Variants in SRCIN1 observed in about 807,000 individuals in gnomAD.
SRCIN1 encodes the protein SRC kinase signaling inhibitor 1, also known as P130Cas-associated protein.
In SRCIN1, 50 loss-of-function variants were observed where a neutral mutation model predicts 116.2. That is an observed-to-expected ratio of 0.43 (90% confidence interval 0.34 to 0.54). The LOEUF (loss-of-function observed/expected upper bound fraction) is 0.54. Ranked by LOEUF, SRCIN1 falls within the 20% of genes least tolerant of loss-of-function variation. SRCIN1 has a pLI of 0.02. For synonymous variants in SRCIN1, 736 were observed against 750.0 expected (o/e 0.98, Z 0.30); for missense variants, 1,446 against 1,672.0 (o/e 0.86, Z 2.36).
intron 1 of SRCIN1, among the ~76,000 whole-genome samples, chr17:38,596,026 G>A (rs898681346): frequency 6.6e-6 from 1 of 152,176 alleles, no homozygotes; most frequent in African/African-American, 2.4e-5. Context: ...GCTGGCAGGA[G>A]GAGGAATCGT....
chr17:38,533,486 T>G (rs1316522554), intron 18 of SRCIN1, 55 bp from the exon 19 acceptor site: 1 of 1,509,550 alleles, frequency 6.6e-7, no homozygotes, highest in African/African-American at 1.4e-5. Flanking sequence ...GCCTCCATGC[T>G]GGCCCCCAGC....
At chr17:38,547,675 C>T (rs1051588021) in intron 17 of SRCIN1, 4 of 258,646 alleles carry the variant, frequency 1.5e-5, no homozygotes, top group East Asian at 1.7e-4. Context: ...GGCGTTTTAG[C>T]GGGTTAGCGT....
rs1906460573 is a variant in SRCIN1 at position 38,563,742 on chromosome 17, G to A, written c.542-221C>T. 2 of 707,290 alleles carry A rather than the reference G, an allele frequency of 2.8e-6. No individual in the cohort carries two copies. Among genetic ancestry groups the A allele is most frequent in the East Asian group, 2.7e-5 (1 of 37,148 alleles). 43.8% of individuals were successfully genotyped at this position (707,290 alleles called of 1,614,324 possible). ...CAAGGCACCCACTGGACTCCAGGCAGTTGAAGGAACTTGGACAAGGAAATG... is the reference window on the plus strand; with the variant it reads ...CAAGGCACCCACTGGACTCCAGGCAATTGAAGGAACTTGGACAAGGAAATG... On this transcript the variant is annotated intron_variant, in intron 4 of 18. Coordinates refer to ENST00000617146, the MANE Select transcript of SRCIN1 (RefSeq NM_025248.3). This position sits in a 1 kb window ranked among gnomAD's most constrained non-coding sequence, Gnocchi z 5.8.
intron 2 of SRCIN1, among the ~76,000 whole-genome samples, chr17:38,575,895 C>T (rs906862482): frequency 6.6e-6 from 1 of 152,200 alleles, no homozygotes; most frequent in African/African-American, 2.4e-5. Flanking sequence ...TCCACAAACA[C>T]TGCCTGAGCT....
chr17:38,539,599 C>T (rs1415314794), intron 18 of SRCIN1, among the ~76,000 whole-genome samples: 7 of 152,142 alleles, frequency 4.6e-5, no homozygotes, highest in African/African-American at 9.7e-5. Flanking sequence ...CTGCTGCTCC[C>T]GCCCTCCGGG....
chr17:38,563,496 C>A lies in SRCIN1; in HGVS notation c.567G>T (p.Glu189Asp), dbSNP rs1022331254. 19 of 1,552,216 alleles carry A rather than the reference C, an allele frequency of 1.2e-5. No individual in the cohort carries two copies. The highest frequency in any genetic ancestry group is 1.6e-5 in the Non-Finnish European group (18 of 1,147,844). The part of the protein sequence containing the change: ...SPGVLFLQFG[E>D]ETRRVHITHE... Reference sequence around the variant, plus strand: ...GCGTGATGTGCACGCGCCGAGTCTCCTCCCCGAACTGCAGGAACAGCACCC... The same window carrying A: ...GCGTGATGTGCACGCGCCGAGTCTCATCCCCGAACTGCAGGAACAGCACCC... Residue 189 changes from glutamate (E) to aspartate (D), a missense_variant, in exon 5 of 19, where the codon GAG (glutamate) becomes GAT (aspartate). Physicochemically the swap from Glu to Asp is conservative, Grantham distance 45 (BLOSUM62 2). Transcript: ENST00000617146. The surrounding 1 kb of genome is among the most constrained non-coding windows in gnomAD (Gnocchi z 5.8).
At chr17:38,555,878 CAG>C (rs771125102) in intron 11 of SRCIN1, among the ~76,000 whole-genome samples, 73 of 152,216 alleles carry the variant, frequency 4.8e-4, no homozygotes, top group Non-Finnish European at 8.8e-4. Flanking sequence ...AAACATCACT[CAG>C]AGGGGGAAGA....
intron 11 of SRCIN1, among the ~76,000 whole-genome samples, chr17:38,555,807 G>A (rs1334045877): frequency 6.6e-6 from 1 of 152,178 alleles, no homozygotes; most frequent in Non-Finnish European, 1.5e-5. Flanking sequence ...CAATTCCCCT[G>A]CTCATATGTG....
At chr17:38,554,465 A>G (rs1048322957) in intron 11 of SRCIN1, among the ~76,000 whole-genome samples, 1 of 151,810 alleles carries the variant, frequency 6.6e-6, no homozygotes, top group East Asian at 1.9e-4. Flanking sequence ...ACCCATACAC[A>G]TACAGGCACA....
In SRCIN1 at chr17:38,562,758, G is replaced by C. The variant is rs35608876; in HGVS notation, c.834+69C>G. 19 of 1,406,892 alleles carry C rather than the reference G, an allele frequency of 1.4e-5. No individual in the cohort carries two copies. The African/African-American group carries it at 2.7e-4, about 20-fold the overall frequency. 87.2% of individuals were successfully genotyped at this position (1,406,892 alleles called of 1,614,324 possible). A position where few individuals can be genotyped will look rare whatever the true frequency, so the allele number is the denominator to read the frequency against. ...CTGGCCCTGGTTCCAGATGACAACTGCCCAGACCCTGCTCCCCTGGACCCC... is the reference window on the plus strand; with the variant it reads ...CTGGCCCTGGTTCCAGATGACAACTCCCCAGACCCTGCTCCCCTGGACCCC... On this transcript the variant is annotated intron_variant, in intron 6 of 18. Coordinates refer to ENST00000617146, the MANE Select transcript of SRCIN1 (RefSeq NM_025248.3). This position sits in a 1 kb window ranked among gnomAD's most constrained non-coding sequence, Gnocchi z 4.2.
intron 1 of SRCIN1, among the ~76,000 whole-genome samples, chr17:38,600,287 G>T (rs1258957438): frequency 2.1e-4 from 32 of 152,212 alleles, no homozygotes; most frequent in Admixed American, 2.0e-3. Flanking sequence ...TAGATATGTA[G>T]GTAAAAGCGA....
chr17:38,533,290 G>T lies in SRCIN1; in HGVS notation c.*7C>A, dbSNP rs1239758947. On this transcript the variant is annotated 3_prime_UTR_variant, in exon 19 of 19. Transcript: ENST00000617146. ...GGGGACAGGCGGGGCAGCGGGGTGA[G>T]GGGCTTCTAGAAGGAGATGGAAGAA... The T allele has an allele frequency of 1.3e-6, 2 of 1,549,470 alleles. No homozygotes were observed. The highest frequency in any genetic ancestry group is 1.4e-5 in the African/African-American group (1 of 73,102).
rs2082511148 is a variant in SRCIN1, at chr17:38,602,252, G to C, written c.22+3432C>G. 6.6e-6 allele frequency: 1 copy of C among 152,032 alleles called. No individual in the cohort carries two copies. The highest frequency in any genetic ancestry group is 1.5e-5 in the Non-Finnish European group (1 of 68,032). 9.4% of individuals were successfully genotyped at this position (152,032 alleles called of 1,614,324 possible). ...CAGGCACTGCTTCCCAGCCAAATCCGAAGCCTTCATCTCCGCTACTCAGAG... is the reference window on the plus strand; with the variant it reads ...CAGGCACTGCTTCCCAGCCAAATCCCAAGCCTTCATCTCCGCTACTCAGAG... On this transcript the variant is annotated intron_variant, in intron 1 of 18. Coordinates refer to ENST00000617146, the MANE Select transcript of SRCIN1 (RefSeq NM_025248.3). The surrounding 1 kb of genome is among the most constrained non-coding windows in gnomAD (Gnocchi z 4.2).
chr17:38,549,418 A>G (rs1202858449), intron 15 of SRCIN1, among the ~76,000 whole-genome samples: 1 of 151,688 alleles, frequency 6.6e-6, no homozygotes, highest in East Asian at 1.9e-4. Context: ...TCCTGACAGC[A>G]CTCTTGCTAC....
chr17:38,551,953 C>G lies in SRCIN1; in HGVS notation c.2660G>C (p.Gly887Ala), dbSNP rs771867107. ...PAEGASLTPKGGNPTKGLDTP... is the reference protein window; with the variant it reads ...PAEGASLTPKAGNPTKGLDTP... Reference sequence around the variant, plus strand: ...GTCCAGGCCTTTGGTGGGGTTGCCCCCCTTGGGGGTAAGAGAGGCTCCTTC... The same window carrying G: ...GTCCAGGCCTTTGGTGGGGTTGCCCGCCTTGGGGGTAAGAGAGGCTCCTTC... Residue 887 changes from glycine (G) to alanine (A), a missense_variant, in exon 14 of 19, where the codon GGG (glycine) becomes GCG (alanine). Transcript: ENST00000617146. The G allele has an allele frequency of 8.7e-6, 14 of 1,613,930 alleles. No homozygotes were observed. The highest frequency in any genetic ancestry group is 1.2e-5 in the Non-Finnish European group (14 of 1,179,912).
intron 1 of SRCIN1, among the ~76,000 whole-genome samples, chr17:38,588,324 C>G (rs1167246378): frequency 6.6e-6 from 1 of 152,222 alleles, no homozygotes; most frequent in Non-Finnish European, 1.5e-5. Flanking sequence ...AGCATGTCAC[C>G]CCCAGTCTGA....
chr17:38,568,114 T>G lies in SRCIN1; in HGVS notation c.345+97A>C, dbSNP rs977290301. ...CCATACCAGAAGGTGTCCGTGCAGA[T>G]GCGCACCCCGGTGCAAAGCCTGTGC... On this transcript the variant is annotated intron_variant, in intron 3 of 18. Transcript: ENST00000617146. The surrounding 1 kb of genome is among the most constrained non-coding windows in gnomAD (Gnocchi z 4.5). 6.9e-7 allele frequency: 1 copy of G among 1,459,412 alleles called. No individual in the cohort carries two copies. Among genetic ancestry groups the G allele is most frequent in the East Asian group, 2.3e-5 (1 of 43,204 alleles). 90.4% of individuals were successfully genotyped at this position (1,459,412 alleles called of 1,614,324 possible). A position where few individuals can be genotyped will look rare whatever the true frequency, so the allele number is the denominator to read the frequency against.
rs1908542218 is a variant in SRCIN1 at position 38,593,341 on chromosome 17, G to T, written c.22+12343C>A. Among the ~76,000 whole-genome samples, 3 of 152,174 alleles carry T rather than the reference G, an allele frequency of 2.0e-5. No individual in the cohort carries two copies. The South Asian group carries it at 6.2e-4, about 32-fold the overall frequency. On this transcript the variant is annotated intron_variant, in intron 1 of 18. Transcript: ENST00000617146. Reference sequence around the variant, plus strand: ...TTGGGGAGGAAGGTGATGAATCTCAGTGTGAATTCTCCATGGCGCTGGGCC... The same window carrying T: ...TTGGGGAGGAAGGTGATGAATCTCATTGTGAATTCTCCATGGCGCTGGGCC...
At position 38,558,367 on chromosome 17, in the gene SRCIN1, C is replaced by T. The variant is rs1269066096; in HGVS notation, c.2061G>A (p.Lys687=). The stretch of plus-strand genomic sequence containing the variant: ...GCATGCTCAGCTCTGCCTCCGTGCG[C>T]TTCAGCAGCGCGCGCACCGACTCCT... ...QNQESVRALL[K]RTEAELSMRV... is the part of the protein sequence containing the mutation. The change falls in exon 11 of 19, where the codon AAG becomes AAA. Residue 687 remains lysine (K), a synonymous_variant. Coordinates refer to ENST00000617146, the MANE Select transcript of SRCIN1 (RefSeq NM_025248.3). This position sits in a 1 kb window ranked among gnomAD's most constrained non-coding sequence, Gnocchi z 4.6. 1.2e-6 allele frequency: 2 copies of T among 1,606,610 alleles called. No homozygotes were observed. The highest frequency in any genetic ancestry group is 1.7e-6 in the Non-Finnish European group (2 of 1,179,354).
Sources: gnomAD v4.1 joint callset for allele counts (sites outside exome capture counted in the v4.1 genomes callset) on GRCh38, gnomAD v4.1.1 for gene constraint, Gnocchi (gnomAD v3.1) non-coding constraint, MANE v1.5 for transcripts, NCBI Gene and HGNC (gene_info 2026-07-23, HGNC 2026-07-21) for gene names.